NAV1: variants seen among roughly 807,000 people sequenced by gnomAD.
NAV1 encodes the protein pore membrane and/or filament interacting like protein 3.
Under a neutral mutation model 175.2 loss-of-function variants are expected in NAV1, and 18 were observed. The ratio of observed to expected loss-of-function variants is 0.10; its 90% CI spans 0.07 to 0.15. NAV1 has a LOEUF of 0.15. Among genes scored for constraint, NAV1 ranks in the 10% least tolerant of loss-of-function variants. NAV1 has a pLI of 1.00. For missense variants in NAV1, 1,731 were observed against 2,436.6 expected (o/e 0.71, Z 6.10); for synonymous variants, 897 against 978.7 (o/e 0.92, Z 1.56).
At chr1:201,641,995 C>T (rs1268411792) in intron 2 of NAV1, among the ~76,000 whole-genome samples, 6 of 146,352 alleles carry the variant, frequency 4.1e-5, no homozygotes, top group Admixed American at 6.9e-5. Flanking sequence ...TCTTTCTTCC[C>T]TTTATTCCCT....
rs79219228 is a variant in NAV1, at chr1:201,712,241, G to A, written c.758-576G>A. Among the ~76,000 whole-genome samples, 119 of 152,318 alleles carry A rather than the reference G, an allele frequency of 7.8e-4. 1 individual carries two copies. Among genetic ancestry groups the A allele is most frequent in the Non-Finnish European group, 1.4e-3 (94 of 68,026 alleles). The stretch of plus-strand genomic sequence containing the variant: ...AGTGCCTGGGTTTAGGTGTACTGAA[G>A]CCAGCTTGTACCAGTTCCCCAGAGC... On this transcript the variant is annotated intron_variant, in intron 1 of 29. Coordinates refer to ENST00000367296, the Ensembl canonical transcript of NAV1.
chr1:201,586,108 T>C (rs1667019378), intron 1 of NAV1, among the ~76,000 whole-genome samples: 2 of 152,282 alleles, frequency 1.3e-5, no homozygotes, highest in South Asian at 2.1e-4. Context: ...AAATGTGGTA[T>C]GCAATGAAAT....
chr1:201,588,169 G>GATAAATGGATCATTT, intron 1 of NAV1, among the ~76,000 whole-genome samples: 1 of 152,342 alleles, frequency 6.6e-6, no homozygotes, highest in South Asian at 2.1e-4. Flanking sequence ...ATAAGCTAAT[G>GATAAATGGATCATTT]AGTGATAAAT....
chr1:201,668,164 C>G (rs1047807189), intron 1 of NAV1, among the ~76,000 whole-genome samples: 3 of 152,116 alleles, frequency 2.0e-5, no homozygotes, highest in Non-Finnish European at 1.5e-5. Context: ...CTGCCAAAGT[C>G]CAAGCCCCTC....
chr1:201,798,963 A>C (rs561140421), intron 15 of NAV1, among the ~76,000 whole-genome samples: 76 of 151,940 alleles, frequency 5.0e-4, no homozygotes, highest in Non-Finnish European at 9.3e-4. Flanking sequence ...CAGCCTCCCA[A>C]AGTGTTGGGA....
intron 1 of NAV1, among the ~76,000 whole-genome samples, chr1:201,665,291 C>T (rs934393838): frequency 6.6e-6 from 1 of 152,038 alleles, no homozygotes; most frequent in Non-Finnish European, 1.5e-5. Flanking sequence ...TGCTTCTGGC[C>T]TCTTTTCCGA....
chr1:201,595,310 G>C (rs1667320325), intron 2 of NAV1, among the ~76,000 whole-genome samples: 2 of 152,256 alleles, frequency 1.3e-5, no homozygotes, highest in African/African-American at 4.8e-5. Context: ...ACCTCACCCT[G>C]ACTCATGCTT....
chr1:201,808,627 A>T lies in NAV1; in HGVS notation c.4038+17A>T. The stretch of plus-strand genomic sequence containing the variant: ...AACATGCAGGTCAGTGTCTGGGCGG[A>T]CAGCTGCAGGAAAGGGAAGACCAAG... On this transcript the variant is annotated intron_variant, in intron 19 of 29. Coordinates refer to ENST00000367296, the Ensembl canonical transcript of NAV1. The surrounding 1 kb of genome is among the most constrained non-coding windows in gnomAD (Gnocchi z 5.5). 3.1e-6 allele frequency: 5 copies of T among 1,614,208 alleles called. No individual in the cohort carries two copies. The highest frequency in any genetic ancestry group is 4.2e-6 in the Non-Finnish European group (5 of 1,180,044).
chr1:201,781,365 C>G, intron 5 of NAV1, 56 bp downstream of exon 9: 1 of 1,487,456 alleles, frequency 6.7e-7, no homozygotes, highest in Non-Finnish European at 9.0e-7. Context: ...TTGGTTGCTC[C>G]TCTTCTTAGT....
At chr1:201,764,194 T>C (rs1675046291) in intron 3 of NAV1, among the ~76,000 whole-genome samples, 1 of 152,250 alleles carries the variant, frequency 6.6e-6, no homozygotes, top group Non-Finnish European at 1.5e-5. Context: ...ATGGGGGATA[T>C]TGACATGTAG....
At chr1:201,747,703 A>T (rs1003105748) in intron 3 of NAV1, among the ~76,000 whole-genome samples, 1 of 152,252 alleles carries the variant, frequency 6.6e-6, no homozygotes, top group African/African-American at 2.4e-5. Context: ...TCTTGTTTAC[A>T]TTATGCTACA....
At chr1:201,547,337 T>C (rs1460958323) in intron 1 of NAV1, among the ~76,000 whole-genome samples, 1 of 152,162 alleles carries the variant, frequency 6.6e-6, no homozygotes, top group Non-Finnish European at 1.5e-5. Context: ...TCATACCCGT[T>C]AGTACTGGAT....
At chr1:201,752,031 C>G (rs993611312) in intron 3 of NAV1, among the ~76,000 whole-genome samples, 1 of 152,192 alleles carries the variant, frequency 6.6e-6, no homozygotes, top group African/African-American at 2.4e-5. Context: ...GCTGGGTTTT[C>G]TCTCCAGTGC....
At chr1:201,805,067 T>G (rs764962788) in intron 17 of NAV1, among the ~76,000 whole-genome samples, 12 of 152,196 alleles carry the variant, frequency 7.9e-5, no homozygotes, top group African/African-American at 9.7e-5. Context: ...CAAAGACATT[T>G]CAGGGATGAG....
intron 1 of NAV1, among the ~76,000 whole-genome samples, chr1:201,544,390 AT>A (rs1665607860): frequency 6.6e-6 from 1 of 152,184 alleles, no homozygotes; most frequent in African/African-American, 2.4e-5. Flanking sequence ...TTTAAAATCC[AT>A]TTGTAAATAG....
intron 2 of NAV1, among the ~76,000 whole-genome samples, chr1:201,609,707 T>C (rs1422845667): frequency 6.6e-6 from 1 of 152,164 alleles, no homozygotes; most frequent in Non-Finnish European, 1.5e-5. Flanking sequence ...AGTTTCTGTG[T>C]CTGCACTGAG....
chr1:201,695,442 C>A (rs952726026), intron 1 of NAV1, among the ~76,000 whole-genome samples: 1 of 152,198 alleles, frequency 6.6e-6, no homozygotes, highest in Admixed American at 6.5e-5. Context: ...CTTCCCAGAA[C>A]TCCAACACAT....
chr1:201,604,866 A>G (rs781499227), intron 2 of NAV1, among the ~76,000 whole-genome samples: 3 of 152,074 alleles, frequency 2.0e-5, no homozygotes, highest in Non-Finnish European at 4.4e-5. Context: ...GAAGGGGTGG[A>G]GTGAAGGTTC....
At chr1:201,768,123 G>A (rs754490954) in intron 3 of NAV1, among the ~76,000 whole-genome samples, 3 of 152,028 alleles carry the variant, frequency 2.0e-5, no homozygotes, top group Non-Finnish European at 2.9e-5. Context: ...TCAGGAGTTC[G>A]AGACCAGCCT....
Sources: gnomAD v4.1 joint callset for allele counts (sites outside exome capture counted in the v4.1 genomes callset) on GRCh38, gnomAD v4.1.1 for gene constraint, Gnocchi (gnomAD v3.1) non-coding constraint, MANE v1.5 for transcripts, NCBI Gene and HGNC (gene_info 2026-07-23, HGNC 2026-07-21) for gene names.